The following BMERB1 variants were observed in gnomAD, a reference collection of about 807,000 sequenced individuals.
The protein encoded by BMERB1 is bMERB domain containing 1.
Under a neutral mutation model 23.6 loss-of-function variants are expected in BMERB1, and 12 were observed. The ratio of observed to expected loss-of-function variants is 0.51; its 90% CI spans 0.33 to 0.82. The LOEUF is 0.82. Ranked by LOEUF, BMERB1 falls within the 40% of genes least tolerant of loss-of-function variation. The probability of loss-of-function intolerance (pLI) is 0.03; values close to 1 mark genes in which losing one functional copy is unlikely to be tolerated. For missense variants in BMERB1, 247 were observed against 255.4 expected, an observed-to-expected ratio of 0.97 and a Z score of 0.22; for synonymous variants, 122 against 96.6, an observed-to-expected ratio of 1.26 and a Z score of -1.54.
chr16:15,526,186 G>A (rs2051903101), intron 2 of BMERB1, among the ~76,000 whole-genome samples: 3 of 152,064 alleles, frequency 2.0e-5, no homozygotes, highest in African/African-American at 7.2e-5. Context: ...CACCAGCACT[G>A]CCCTAGAGAA....
At chr16:15,471,708 C>T (rs933609063) in intron 1 of BMERB1, among the ~76,000 whole-genome samples, 1 of 152,074 alleles carries the variant, frequency 6.6e-6, no homozygotes, top group Non-Finnish European at 1.5e-5. Context: ...GTCTCAGCCT[C>T]CAAAGTAGCT....
chr16:15,583,073 C>G, intron 4 of BMERB1, 83 bp from the exon 5 acceptor site: 2 of 1,039,936 alleles, frequency 1.9e-6, no homozygotes, highest in South Asian at 1.3e-5. Context: ...TGTTGCTTAA[C>G]CTATTGGTTT....
intron 1 of BMERB1, among the ~76,000 whole-genome samples, chr16:15,460,356 A>G (rs752252673): frequency 3.3e-5 from 5 of 152,160 alleles, no homozygotes; most frequent in Non-Finnish European, 7.3e-5. Context: ...AAAAATACAG[A>G]GGAAATTCAT....
intron 1 of BMERB1, among the ~76,000 whole-genome samples, chr16:15,461,667 A>G (rs572185186): frequency 6.6e-6 from 1 of 152,288 alleles, no homozygotes; most frequent in South Asian, 2.1e-4. Context: ...TCATGCCTGT[A>G]ATCCCAGCAG....
At chr16:15,544,190 A>G (rs2052111175) in intron 2 of BMERB1, among the ~76,000 whole-genome samples, 1 of 152,260 alleles carries the variant, frequency 6.6e-6, no homozygotes, top group Non-Finnish European at 1.5e-5. Flanking sequence ...GGTTTTCATT[A>G]AAGATGCTGA....
chr16:15,567,441 C>G (rs950669535), intron 2 of BMERB1, among the ~76,000 whole-genome samples: 7 of 152,050 alleles, frequency 4.6e-5, no homozygotes, highest in Non-Finnish European at 1.0e-4. Context: ...GGAGCTCTAT[C>G]GAGGTGTTAT....
intron 1 of BMERB1, among the ~76,000 whole-genome samples, chr16:15,468,965 C>CTTTT (rs773392188): frequency 1.6e-5 from 2 of 126,408 alleles, no homozygotes; most frequent in Non-Finnish European, 1.6e-5. Flanking sequence ...CATCTTCACA[C>CTTTT]TTTTTTTTTT....
chr16:15,575,827 T>C (rs1355598311), intron 3 of BMERB1, among the ~76,000 whole-genome samples: 2 of 151,914 alleles, frequency 1.3e-5, no homozygotes, highest in Non-Finnish European at 2.9e-5. Flanking sequence ...TTGCAGTTGC[T>C]TTCTGCGACC....
chr16:15,530,735 A>G (rs921680248), intron 2 of BMERB1, among the ~76,000 whole-genome samples: 1 of 152,004 alleles, frequency 6.6e-6, no homozygotes, highest in African/African-American at 2.4e-5. Flanking sequence ...CATGATAGTG[A>G]GTTCTCATGA....
chr16:15,444,119 C>CTTTCTTTTTTTTTTTTTTTT (rs1225982061), intron 1 of BMERB1, among the ~76,000 whole-genome samples: 1 of 24,458 alleles, frequency 4.1e-5, no homozygotes, highest in African/African-American at 1.9e-4. Flanking sequence ...CAGGCACCAG[C>CTTTCTTTTTTTTTTTTTTTT]TTTGTTTTTT....
At chr16:15,495,211 ATTG>A (rs1004783666) in intron 1 of BMERB1, among the ~76,000 whole-genome samples, 10 of 143,954 alleles carry the variant, frequency 6.9e-5, no homozygotes, top group South Asian at 2.2e-4. Flanking sequence ...TATTATTATT[ATTG>A]TTGTTGTTTG....
rs1211150276 is a variant in BMERB1, at chr16:15,434,680, C to T, written c.27C>T (p.Thr9=). The T allele has an allele frequency of 1.9e-6, 3 of 1,614,002 alleles. No individual in the cohort carries two copies. The highest frequency in any genetic ancestry group is 2.2e-5 in the East Asian group (1 of 44,868). MELKQSLS[T]HLEAEKPLRR... is the part of the protein sequence containing the mutation. Reference sequence around the variant, plus strand: ...TGGAATTAAAGCAATCTTTGTCCACCCATCTGGAAGCCGAGAAGCCTCTGA... The same window carrying T: ...TGGAATTAAAGCAATCTTTGTCCACTCATCTGGAAGCCGAGAAGCCTCTGA... The change falls in exon 1 of 6, where the codon ACC becomes ACT. Residue 9 remains threonine (T), a synonymous_variant. Coordinates refer to ENST00000300006, the MANE Select transcript of BMERB1 (RefSeq NM_033201.3).
At chr16:15,451,953 A>C (rs1279313377) in intron 1 of BMERB1, among the ~76,000 whole-genome samples, 1 of 151,836 alleles carries the variant, frequency 6.6e-6, no homozygotes, top group East Asian at 1.9e-4. Context: ...ACTTAAGGAA[A>C]AGGAATGTAT....
chr16:15,471,075 C>G (rs1208906272), intron 1 of BMERB1, among the ~76,000 whole-genome samples: 1 of 151,076 alleles, frequency 6.6e-6, no homozygotes, highest in African/African-American at 2.4e-5. Flanking sequence ...GACCTCAAGT[C>G]ATCCTCCTGC....
chr16:15,511,020 C>T (rs149417040), intron 1 of BMERB1, among the ~76,000 whole-genome samples: 1 of 151,866 alleles, frequency 6.6e-6, no homozygotes, highest in Non-Finnish European at 1.5e-5. Flanking sequence ...TATTTCGATC[C>T]TATTCCTCCC....
At chr16:15,528,135 A>G (rs1384300766) in intron 2 of BMERB1, among the ~76,000 whole-genome samples, 1 of 152,148 alleles carries the variant, frequency 6.6e-6, no homozygotes, top group African/African-American at 2.4e-5. Context: ...GGTAATTTAT[A>G]AATAGAAATT....
intron 1 of BMERB1, among the ~76,000 whole-genome samples, chr16:15,450,566 G>A (rs2051033385): frequency 6.6e-6 from 1 of 152,132 alleles, no homozygotes; most frequent in South Asian, 2.1e-4. Flanking sequence ...CACCTCCTGG[G>A]CTCAAGCAAT....
At chr16:15,495,726 T>C (rs146839778) in intron 1 of BMERB1, among the ~76,000 whole-genome samples, 1 of 152,294 alleles carries the variant, frequency 6.6e-6, no homozygotes, top group East Asian at 1.9e-4. Flanking sequence ...ATATTAGTAT[T>C]TGTGGACATT....
intron 5 of BMERB1, among the ~76,000 whole-genome samples, chr16:15,586,223 C>T (rs1273820191): frequency 2.0e-5 from 3 of 151,624 alleles, no homozygotes; most frequent in Non-Finnish European, 2.9e-5. Flanking sequence ...GTTATAAAAC[C>T]GAGAGGATAG....
Sources: gnomAD v4.1 joint callset for allele counts (sites outside exome capture counted in the v4.1 genomes callset) on GRCh38, gnomAD v4.1.1 for gene constraint, MANE v1.5 for transcripts, NCBI Gene and HGNC (gene_info 2026-07-23, HGNC 2026-07-21) for gene names.